Variants in MLLT10 observed in about 807,000 individuals in gnomAD.
MLLT10 encodes MLLT10 histone lysine methyltransferase DOT1L cofactor.
In MLLT10, 30 loss-of-function variants were observed where a neutral mutation model predicts 129.1. The ratio of observed to expected loss-of-function variants is 0.23; its 90% confidence interval spans 0.17 to 0.32. The LOEUF (loss-of-function observed/expected upper bound fraction) is 0.32, where lower values mean the gene tolerates loss of function less well. MLLT10 is among the 10% of genes least tolerant of loss of function. The pLI, the probability that MLLT10 is intolerant of heterozygous loss-of-function variation, is 1.00. For missense variants in MLLT10, 1,119 were observed against 1,268.3 expected (o/e 0.88, Z 1.79); for synonymous variants, 490 against 446.4 (o/e 1.10, Z -1.23).
chr10:21,621,196 G>A (rs2045805501), intron 8 of MLLT10, among the ~76,000 whole-genome samples: 1 of 139,562 alleles, frequency 7.2e-6, no homozygotes, highest in Non-Finnish European at 1.5e-5. Flanking sequence ...GGGTTTCACT[G>A]TGTTAGCCAG....
chr10:21,676,417 C>CAAAAAAA (rs113829023), intron 11 of MLLT10, among the ~76,000 whole-genome samples: 2 of 129,610 alleles, frequency 1.5e-5, no homozygotes, highest in African/African-American at 2.9e-5. Flanking sequence ...GACTCCGTCT[C>CAAAAAAA]AAAAAAAAAA....
At chr10:21,587,195 T>G (rs1358930418) in intron 4 of MLLT10, among the ~76,000 whole-genome samples, 3 of 151,606 alleles carry the variant, frequency 2.0e-5, no homozygotes, top group African/African-American at 7.3e-5. Context: ...AGCATAGGAG[T>G]CTGAGACCAT....
intron 8 of MLLT10, among the ~76,000 whole-genome samples, chr10:21,620,977 C>T (rs930897165): frequency 1.3e-5 from 2 of 151,264 alleles, no homozygotes; most frequent in East Asian, 3.9e-4. Flanking sequence ...GCCACCATAC[C>T]CTGCCAAGAA....
chr10:21,738,913 C>G (rs1021896029), intron 21 of MLLT10, among the ~76,000 whole-genome samples: 4 of 152,208 alleles, frequency 2.6e-5, no homozygotes, highest in Non-Finnish European at 5.9e-5. Flanking sequence ...ATACTTACAT[C>G]TCCAGCCAGA....
intron 8 of MLLT10, among the ~76,000 whole-genome samples, chr10:21,623,363 G>C (rs573515963): frequency 2.0e-5 from 3 of 152,176 alleles, no homozygotes; most frequent in African/African-American, 7.2e-5. Flanking sequence ...AAGTATGGTT[G>C]AAAGGGGCTT....
intron 13 of MLLT10, among the ~76,000 whole-genome samples, chr10:21,693,901 CTATT>C (rs1327761338): frequency 1.3e-5 from 2 of 151,930 alleles, no homozygotes; most frequent in Non-Finnish European, 2.9e-5. Context: ...TTTTATTAGA[CTATT>C]GAGTGAAGAA....
chr10:21,659,086 A>G (rs984739379), intron 9 of MLLT10, among the ~76,000 whole-genome samples: 6 of 152,032 alleles, frequency 3.9e-5, no homozygotes, highest in African/African-American at 1.4e-4. Context: ...TTGTGAGAGT[A>G]TGTATTCTGG....
intron 9 of MLLT10, 23 bp downstream of exon 9, chr10:21,651,791 T>C (rs1325491213): frequency 4.6e-6 from 7 of 1,531,492 alleles, no homozygotes; most frequent in Non-Finnish European, 6.3e-6. Context: ...TATCATATTT[T>C]GTTTTATGTA....
At position 21,743,069 on chromosome 10, in the gene MLLT10, C is replaced by T. The variant is rs1564770498; in HGVS notation, c.*1086C>T. On this transcript the variant is annotated 3_prime_UTR_variant, in exon 23 of 23. Transcript: ENST00000307729. The stretch of plus-strand genomic sequence containing the variant: ...CTAGAGTTCCTGAAACAGGTGAAAC[C>T]TGTATGACAGCCCTTCCACTTTGGG... The T allele has an allele frequency of 1.7e-5, 4 of 230,480 alleles. No individual in the cohort carries two copies. The highest frequency in any genetic ancestry group is 1.7e-4 in the Admixed American group (3 of 17,682). The allele number at this position is 230,480 out of a possible 1,614,324, so 14.3% of individuals were successfully genotyped here. A position where few individuals can be genotyped will look rare whatever the true frequency, so the allele number is the denominator to read the frequency against.
chr10:21,564,552 G>A (rs1354477703), intron 3 of MLLT10: 1 of 150,958 alleles, frequency 6.6e-6, no homozygotes, highest in African/African-American at 2.4e-5. Context: ...ATTCAATTTT[G>A]GTATATGTGC....
At chr10:21,696,063 G>A (rs1415543526) in intron 13 of MLLT10, among the ~76,000 whole-genome samples, 1 of 151,398 alleles carries the variant, frequency 6.6e-6, no homozygotes, top group Non-Finnish European at 1.5e-5. Context: ...ATCCATTAGA[G>A]GCACAAGGTC....
Position 21,740,060 on chromosome 10 carries a change from A to C in MLLT10, c.2986A>C (p.Met996Leu), listed in dbSNP as rs1687646959. The part of the protein sequence containing the change: ...EQHQAFLYQL[M>L]QHHHQQHHQP... ...ACATCAAGCCTTTTTGTATCAGTTA[A>C]TGCAACATCACCACCAGCAGCACCA... Residue 996 changes from methionine (M) to leucine (L), a missense_variant, in exon 22 of 23, where the codon ATG becomes CTG. Around this residue, in one of 5 missense-constraint regions of MLLT10, gnomAD observed 1,004 missense variants for 1,008.7 expected, o/e 1.00. Coordinates refer to ENST00000307729, the MANE Select transcript of MLLT10 (RefSeq NM_001195626.3). The C allele has an allele frequency of 1.9e-6, 3 of 1,612,346 alleles. No homozygotes were observed. The African/African-American group carries it at 4.0e-5, about 22-fold the overall frequency.
chr10:21,675,016 A>G (rs981024452), intron 11 of MLLT10, among the ~76,000 whole-genome samples: 1 of 152,200 alleles, frequency 6.6e-6, no homozygotes, highest in African/African-American at 2.4e-5. Context: ...AAGAGAGAGA[A>G]TATCATATGT....
Position 21,593,724 on chromosome 10 carries a change from C to T in MLLT10, c.296-1607C>T, listed in dbSNP as rs193287838. 3.3e-5 allele frequency among the ~76,000 whole-genome samples: 5 copies of T among 151,558 alleles called. No individual in the cohort carries two copies. The East Asian group carries it at 7.8e-4, about 24-fold the overall frequency. ...GGTGGATCACTTGAGGTCAGGAGGT[C>T]GAGACCAGCCTGGTCAACATAGTGA... On this transcript the variant is annotated intron_variant, in intron 4 of 22. Coordinates refer to ENST00000307729, the MANE Select transcript of MLLT10 (RefSeq NM_001195626.3).
intron 13 of MLLT10, among the ~76,000 whole-genome samples, chr10:21,706,534 G>A (rs546917748): frequency 3.3e-4 from 50 of 152,306 alleles, no homozygotes; most frequent in African/African-American, 1.2e-3. Flanking sequence ...AGTCTCTCGG[G>A]ATGTGGGTTA....
chr10:21,669,254 G>C (rs1334039017), intron 9 of MLLT10, among the ~76,000 whole-genome samples: 1 of 152,010 alleles, frequency 6.6e-6, no homozygotes, highest in African/African-American at 2.4e-5. Context: ...TGGGGGCTGG[G>C]GATGGCAACA....
At chr10:21,555,895 G>A (rs1253996607) in intron 3 of MLLT10, among the ~76,000 whole-genome samples, 1 of 150,682 alleles carries the variant, frequency 6.6e-6, no homozygotes, top group African/African-American at 2.4e-5. Context: ...TCGAACTCCC[G>A]ACCTCAGGTG....
In MLLT10 at chr10:21,742,629, T is replaced by C. The variant is rs1006777339; in HGVS notation, c.*646T>C. On this transcript the variant is annotated 3_prime_UTR_variant, in exon 23 of 23. Transcript: ENST00000307729. ...AGGTAATTTTCTTTTGAGAATTGCT[T>C]TCTTTAGTGTTAAGACCTACTCATA... is the stretch of plus-strand genomic sequence containing the variant. 3 of 221,934 alleles carry C rather than the reference T, an allele frequency of 1.4e-5. No homozygotes were observed. The highest frequency in any genetic ancestry group is 2.2e-5 in the African/African-American group (1 of 44,790). 13.7% of individuals were successfully genotyped at this position (221,934 alleles called of 1,614,324 possible).
At position 21,577,949 on chromosome 10, in the gene MLLT10, A is replaced by G. The variant is rs572923104; in HGVS notation, c.241-8345A>G. Among the ~76,000 whole-genome samples the G allele has an allele frequency of 1.6e-4, 25 of 151,858 alleles. 1 individual carries two copies. In the East Asian group the frequency reaches 4.9e-3, roughly 30 times the overall value. ...CACTCTGTTGTTCAGGCTGGAGTAC[A>G]GTGGTGTGATATCTTGGCTCACGGC... is the stretch of plus-strand genomic sequence containing the variant. On this transcript the variant is annotated intron_variant, in intron 3 of 22. Coordinates refer to ENST00000307729, the MANE Select transcript of MLLT10 (RefSeq NM_001195626.3).
Sources: allele counts gnomAD v4.1 joint callset (sites outside exome capture counted in the v4.1 genomes callset), GRCh38; gene constraint gnomAD v4.1.1; regional missense constraint gnomAD v4.1.1; transcripts MANE v1.5; gene names NCBI Gene and HGNC (gene_info 2026-07-23, HGNC 2026-07-21).